Variants in DMD observed in about 807,000 individuals in gnomAD.
The protein encoded by DMD is mutant dystrophin.
In DMD, 63 loss-of-function variants were observed where a neutral mutation model predicts 330.1. That is an observed-to-expected ratio of 0.19 (90% CI 0.16 to 0.24). The LOEUF is 0.24. Among genes scored for constraint, DMD ranks in the 10% least tolerant of loss-of-function variants. The pLI is 1.00. For missense variants in DMD, 3,344 were observed against 2,684.1 expected (o/e 1.25, Z -5.43); for synonymous variants, 1,223 against 959.8 (o/e 1.27, Z -5.07).
At chrX:32,371,775 G>A (rs1456721751) in intron 34 of DMD, among the ~76,000 whole-genome samples, 1 of 111,262 alleles carries the variant, frequency 9.0e-6, no homozygotes, top group African/African-American at 3.3e-5. Context: ...ACTAATCAGA[G>A]TGATATTAAG....
At chrX:32,202,379 G>A (rs935959941) in intron 44 of DMD, among the ~76,000 whole-genome samples, 1 of 111,520 alleles carries the variant, frequency 9.0e-6, no homozygotes, top group Admixed American at 9.5e-5. Flanking sequence ...TTGAGACAGA[G>A]TCTCACTCTG....
At chrX:31,988,682 C>T (rs1355839668) in intron 44 of DMD, among the ~76,000 whole-genome samples, 1 of 109,482 alleles carries the variant, frequency 9.1e-6, no homozygotes, top group Non-Finnish European at 1.9e-5. Flanking sequence ...ATTGAGGTCA[C>T]CTTTTATACC....
chrX:33,288,614 T>C (rs1025085560), intron 1 of DMD, among the ~76,000 whole-genome samples: 5 of 110,811 alleles, frequency 4.5e-5, no homozygotes, highest in Non-Finnish European at 9.4e-5. Flanking sequence ...AGGTGTCCCG[T>C]CAAACTTTCC....
intron 1 of DMD, among the ~76,000 whole-genome samples, chrX:33,173,177 T>C (rs2049452321): frequency 9.0e-6 from 1 of 111,532 alleles, no homozygotes; most frequent in Non-Finnish European, 1.9e-5. Flanking sequence ...AAAAATATCC[T>C]TAACTTGGAG....
chrX:32,480,093 G>T (rs1350742038), intron 21 of DMD, among the ~76,000 whole-genome samples: 2 of 111,139 alleles, frequency 1.8e-5, no homozygotes, highest in Non-Finnish European at 3.8e-5. Context: ...TTTAAAAATG[G>T]GCAAGGGATA....
chrX:32,364,815 G>A (rs1368645522), intron 35 of DMD, 105 bp from the exon 36 acceptor site: 12 of 947,765 alleles, frequency 1.3e-5, no homozygotes, highest in Non-Finnish European at 1.8e-5. Flanking sequence ...AAGTTTCATT[G>A]AGATTAGTTT....
intron 47 of DMD, among the ~76,000 whole-genome samples, chrX:31,877,692 T>TGTGC (rs2093989650): frequency 9.0e-6 from 1 of 110,897 alleles, no homozygotes; most frequent in Non-Finnish European, 1.9e-5. Flanking sequence ...TGTGTGTGTG[T>TGTGC]GTGCACGCAC....
chrX:31,627,546 C>A (rs779489289), intron 55 of DMD, 127 bp downstream of exon 55: 2 of 676,616 alleles, frequency 3.0e-6, no homozygotes, highest in Admixed American at 2.7e-5. Flanking sequence ...GTCCAAATAC[C>A]GAAATACATC....
intron 41 of DMD, among the ~76,000 whole-genome samples, chrX:32,310,898 T>C (rs146042857): frequency 9.0e-6 from 1 of 110,885 alleles, no homozygotes; most frequent in Non-Finnish European, 1.9e-5. Flanking sequence ...CTGCGGAATT[T>C]ATATTTTAAA....
At chrX:31,690,668 G>C (rs1603448232) in intron 52 of DMD, among the ~76,000 whole-genome samples, 1 of 111,938 alleles carries the variant, frequency 8.9e-6, no homozygotes, top group Non-Finnish European at 1.9e-5. Context: ...TACATGCACA[G>C]GTATGTTTAT....
chrX:32,479,494 CT>C lies in DMD; in HGVS notation c.2803+5424del, dbSNP rs771017512. Among the ~76,000 whole-genome samples, 856 of 109,577 alleles carry C rather than the reference CT, an allele frequency of 7.8e-3. 6 individuals carry two copies. The highest frequency in any genetic ancestry group is 0.026 in the African/African-American group (800 of 30,197). On this transcript the variant is annotated intron_variant, in intron 21 of 78. Coordinates refer to ENST00000357033, the MANE Select transcript of DMD (RefSeq NM_004006.3). ...TCTATTTTCTGTTTCTATAATTTGA[CT>C]TTTTTTTGGATTTCTCATATAAGTG...
At chrX:31,440,856 A>G (rs1411459449) in intron 60 of DMD, among the ~76,000 whole-genome samples, 1 of 112,512 alleles carries the variant, frequency 8.9e-6, no homozygotes, top group Non-Finnish European at 1.9e-5. Context: ...TTACATTTCT[A>G]TTAGAAGATT....
chrX:32,394,912 A>AACAAAAACAAACAAAC (rs1344568336), intron 30 of DMD, among the ~76,000 whole-genome samples: 25 of 36,075 alleles, frequency 6.9e-4, no homozygotes, highest in African/African-American at 2.1e-3. Flanking sequence ...AAAAAACAAA[A>AACAAAAACAAACAAAC]AAACAAAAAA....
At chrX:31,935,310 T>C (rs1348892811) in intron 45 of DMD, among the ~76,000 whole-genome samples, 3 of 111,342 alleles carry the variant, frequency 2.7e-5, no homozygotes, top group African/African-American at 9.8e-5. Flanking sequence ...GGACACGGAG[T>C]ACAGAGGAGA....
intron 63 of DMD, among the ~76,000 whole-genome samples, chrX:31,239,138 A>G (rs930539719): frequency 4.5e-5 from 5 of 111,888 alleles, no homozygotes; most frequent in Non-Finnish European, 9.4e-5. Flanking sequence ...ATTTCATTCC[A>G]AATTGTATGC....
intron 44 of DMD, among the ~76,000 whole-genome samples, chrX:32,038,590 C>T (rs1470146907): frequency 9.1e-6 from 1 of 110,098 alleles, no homozygotes; most frequent in Non-Finnish European, 1.9e-5. Flanking sequence ...TCAGACTAAG[C>T]AATCTGAACT....
At chrX:31,186,148 C>T (rs1269532877) in intron 67 of DMD, among the ~76,000 whole-genome samples, 1 of 112,046 alleles carries the variant, frequency 8.9e-6, no homozygotes, top group East Asian at 2.8e-4. Flanking sequence ...AATTTAGCAA[C>T]ACTATAATAA....
chrX:31,791,196 G>T (rs2091552996), intron 50 of DMD, among the ~76,000 whole-genome samples: 1 of 111,922 alleles, frequency 8.9e-6, no homozygotes, highest in South Asian at 3.7e-4. Flanking sequence ...GTTGATTTCA[G>T]TTTCATTGTT....
chrX:32,728,179 A>G, intron 7 of DMD, among the ~76,000 whole-genome samples: 1 of 111,153 alleles, frequency 9.0e-6, no homozygotes, highest in East Asian at 2.8e-4. Flanking sequence ...ACTTGTCTAG[A>G]AATATAAAAT....
Sources: gnomAD v4.1 joint callset for allele counts (sites outside exome capture counted in the v4.1 genomes callset) on GRCh38, gnomAD v4.1.1 for gene constraint, MANE v1.5 for transcripts, NCBI Gene and HGNC (gene_info 2026-07-23, HGNC 2026-07-21) for gene names.